F2: variants seen among roughly 807,000 people sequenced by gnomAD.
The protein encoded by F2 is prothrombin.
F2 carries 34 observed loss-of-function variants against 81.9 expected under a neutral mutation model. The observed-to-expected ratio is 0.42, with a 90% CI of 0.32 to 0.55. The LOEUF is 0.55. F2 is among the 20% of genes least tolerant of loss of function. The probability of loss-of-function intolerance (pLI) is 0.18; values close to 1 mark genes in which losing one functional copy is unlikely to be tolerated. For missense variants in F2, 630 were observed against 833.4 expected (o/e 0.76, Z 3.00); for synonymous variants, 296 against 326.4 (o/e 0.91, Z 1.01).
intron 12 of F2, among the ~76,000 whole-genome samples, chr11:46,734,480 A>G (rs2064932527): frequency 6.6e-6 from 1 of 152,090 alleles, no homozygotes; most frequent in African/African-American, 2.4e-5. Flanking sequence ...AAATTTATCA[A>G]TCATTTATTT....
chr11:46,720,699 T>G (rs3136434), intron 3 of F2, 91 bp from the exon 4 acceptor site: 2 of 1,539,806 alleles, frequency 1.3e-6, no homozygotes. Context: ...TCATCCATCT[T>G]TCTGTTTCTC....
chr11:46,720,493 G>A lies in F2; in HGVS notation c.241-30G>A, dbSNP rs367692335. On this transcript the variant is annotated intron_variant, in intron 2 of 13. Transcript: ENST00000311907. ...AAAACAACACAAAACAGGAGCTGCCGTAGCCTCACTCCCAGCCCTTGTTTT... is the reference window on the plus strand; with the variant it reads ...AAAACAACACAAAACAGGAGCTGCCATAGCCTCACTCCCAGCCCTTGTTTT... 4.8e-5 allele frequency: 78 copies of A among 1,613,708 alleles called. 1 individual carries two copies. Among genetic ancestry groups the A allele is most frequent in the Admixed American group, 4.2e-4 (25 of 59,992 alleles).
rs1432797438 is a variant in F2, at chr11:46,728,983, G to A, written c.1472+146G>A. The A allele has an allele frequency of 1.9e-5, 13 of 694,864 alleles. No individual in the cohort carries two copies. Among genetic ancestry groups the A allele is most frequent in the Admixed American group, 1.2e-4 (4 of 34,710 alleles). 43.0% of individuals were successfully genotyped at this position (694,864 alleles called of 1,614,324 possible). On this transcript the variant is annotated intron_variant, in intron 11 of 13. Coordinates refer to ENST00000311907, the MANE Select transcript of F2 (RefSeq NM_000506.5). The surrounding 1 kb of genome is among the most constrained non-coding windows in gnomAD (Gnocchi z 5.1). ...CCCAAAAGTTCTTTTCAGTACTGGCGTTTTATTTTTTATTTATATTTATTT... is the reference window on the plus strand; with the variant it reads ...CCCAAAAGTTCTTTTCAGTACTGGCATTTTATTTTTTATTTATATTTATTT...
chr11:46,731,006 T>TC (rs970038826), intron 12 of F2, among the ~76,000 whole-genome samples: 7 of 152,102 alleles, frequency 4.6e-5, no homozygotes, highest in Admixed American at 1.3e-4. Context: ...AACCTCCTGC[T>TC]CCCAGGTTCA....
chr11:46,734,707 A>C (rs1349062751), intron 12 of F2, among the ~76,000 whole-genome samples: 2 of 152,106 alleles, frequency 1.3e-5, no homozygotes, highest in African/African-American at 2.4e-5. Flanking sequence ...GCTACTCAGG[A>C]GACTGAGGCT....
At chr11:46,732,707 T>C (rs907634732) in intron 12 of F2, among the ~76,000 whole-genome samples, 1 of 152,194 alleles carries the variant, frequency 6.6e-6, no homozygotes, top group African/African-American at 2.4e-5. Flanking sequence ...GGCCATACTT[T>C]GTTACTACTG....
rs2134522947 is a variant in F2, at chr11:46,719,447, G to A, written c.79+133G>A. On this transcript the variant is annotated intron_variant, in intron 1 of 13. Coordinates refer to ENST00000311907, the MANE Select transcript of F2 (RefSeq NM_000506.5). The surrounding 1 kb of genome is among the most constrained non-coding windows in gnomAD (Gnocchi z 4.7). ...CTCAGCCCCAGGCGGCCAGCTTAGG[G>A]AAGAAGTCAGGAGCTCAGGGCTGGA... is the stretch of plus-strand genomic sequence containing the variant. 2 of 1,112,928 alleles carry A rather than the reference G, an allele frequency of 1.8e-6. No individual in the cohort carries two copies. The highest frequency in any genetic ancestry group is 2.6e-6 in the Non-Finnish European group (2 of 756,830). 68.9% of individuals were successfully genotyped at this position (1,112,928 alleles called of 1,614,324 possible).
Position 46,728,170 on chromosome 11 carries a change from A to T in F2, c.1298+7A>T. ...GCAAGCACTCCCGCACCAGGTACAG[A>T]ACTGGTGGCCCGTGGGTGTCTGGCA... On this transcript the variant is annotated splice_region_variant and intron_variant, in intron 10 of 13. Transcript: ENST00000311907. The surrounding 1 kb of genome is among the most constrained non-coding windows in gnomAD (Gnocchi z 5.1). 6.2e-7 allele frequency: 1 copy of T among 1,605,442 alleles called. No homozygotes were observed. Among genetic ancestry groups the T allele is most frequent in the South Asian group, 1.1e-5 (1 of 88,762 alleles).
chr11:46,732,153 A>G (rs1446662924), intron 12 of F2, among the ~76,000 whole-genome samples: 1 of 151,620 alleles, frequency 6.6e-6, no homozygotes, highest in Non-Finnish European at 1.5e-5. Context: ...TGACCTTGTG[A>G]TCCGTCTGCC....
At chr11:46,730,804 A>ATATATATATATATATATATATATATAT (rs1174199922) in intron 12 of F2, among the ~76,000 whole-genome samples, 3 of 150,566 alleles carry the variant, frequency 2.0e-5, no homozygotes, top group South Asian at 2.1e-4. Flanking sequence ...ATATATGCAT[A>ATATATATATATATATATATATATATAT]GTTTGAGAGC....
chr11:46,723,548 G>T lies in F2; in HGVS notation c.559+30G>T. 1 of 1,589,634 alleles carries T rather than the reference G, an allele frequency of 6.3e-7. No individual in the cohort carries two copies. Among genetic ancestry groups the T allele is most frequent in the Non-Finnish European group, 8.6e-7 (1 of 1,166,892 alleles). ...GCTGGGGGCAGTGGGGCGGCCCATG[G>T]CCAAGGCCCGGGGGCTTCATGGGGC... On this transcript the variant is annotated intron_variant, in intron 6 of 13. Transcript: ENST00000311907. This position sits in a 1 kb window ranked among gnomAD's most constrained non-coding sequence, Gnocchi z 5.6.
At chr11:46,729,614 C>A in intron 12 of F2, 53 bp downstream of exon 12, 2 of 1,588,230 alleles carry the variant, frequency 1.3e-6, no homozygotes, top group South Asian at 1.1e-5. Context: ...GCTGGGAGAA[C>A]TGAGTTGTGC....
chr11:46,727,144 C>T (rs2064879857), intron 9 of F2, among the ~76,000 whole-genome samples: 1 of 152,214 alleles, frequency 6.6e-6, no homozygotes, highest in African/African-American at 2.4e-5. Context: ...GCCTCAGCCT[C>T]CTGAGTAGCT....
chr11:46,726,655 G>A lies in F2; in HGVS notation c.1003+29G>A, dbSNP rs754833045. On this transcript the variant is annotated intron_variant, in intron 8 of 13. Coordinates refer to ENST00000311907, the MANE Select transcript of F2 (RefSeq NM_000506.5). The surrounding 1 kb of genome is among the most constrained non-coding windows in gnomAD (Gnocchi z 5.9). The stretch of plus-strand genomic sequence containing the variant: ...AGGTAGTGGGCATCCGAGGGGATGC[G>A]GGGCTGCGGGGCTGGTGGCCAGGAC... 1.7e-5 allele frequency: 27 copies of A among 1,613,520 alleles called. No homozygotes were observed. The East Asian group carries it at 2.7e-4, about 16-fold the overall frequency.
chr11:46,719,685 C>G lies in F2; in HGVS notation c.80-17C>G, dbSNP rs772667220. 11 of 1,579,798 alleles carry G rather than the reference C, an allele frequency of 7.0e-6. No individual in the cohort carries two copies. The highest frequency in any genetic ancestry group is 9.5e-6 in the Non-Finnish European group (11 of 1,163,804). Reference sequence around the variant, plus strand: ...TTCCTGAGGCCGCTGTCCCATGACCCCCCCACCGCCTTACAGTGTTCCTGG... The same window carrying G: ...TTCCTGAGGCCGCTGTCCCATGACCGCCCCACCGCCTTACAGTGTTCCTGG... On this transcript the variant is annotated splice_polypyrimidine_tract_variant and intron_variant, in intron 1 of 13. Transcript: ENST00000311907. The surrounding 1 kb of genome is among the most constrained non-coding windows in gnomAD (Gnocchi z 4.7).
rs1446711425 is a variant in F2 at position 46,728,775 on chromosome 11, G to A, written c.1410G>A (p.Lys470=). Residue 470 remains lysine (K), a synonymous_variant, in exon 11 of 14, where the codon AAG becomes AAA. Coordinates refer to ENST00000311907, the MANE Select transcript of F2 (RefSeq NM_000506.5). The surrounding 1 kb of genome is among the most constrained non-coding windows in gnomAD (Gnocchi z 5.1). ...DRDIALMKLK[K]PVAFSDYIHP... is the part of the protein sequence containing the mutation. ...ACATTGCCCTGATGAAGCTGAAGAA[G>A]CCTGTTGCCTTCAGTGACTACATTC... 6.2e-6 allele frequency: 10 copies of A among 1,614,222 alleles called. No homozygotes were observed. The highest frequency in any genetic ancestry group is 2.2e-5 in the East Asian group (1 of 44,882).
At chr11:46,738,335 A>T (rs2064957132) in intron 12 of F2, among the ~76,000 whole-genome samples, 1 of 152,004 alleles carries the variant, frequency 6.6e-6, no homozygotes. Flanking sequence ...TACTGTTGTT[A>T]GTGTTGTTCT....
At chr11:46,729,048 G>A (rs559043298) in intron 11 of F2, among the ~76,000 whole-genome samples, 1 of 152,206 alleles carries the variant, frequency 6.6e-6, no homozygotes, top group South Asian at 2.1e-4. Context: ...CCAGGCTGGA[G>A]TGTAGTTGTG....
intron 12 of F2, among the ~76,000 whole-genome samples, chr11:46,735,411 A>C (rs1156566548): frequency 6.6e-6 from 1 of 152,048 alleles, no homozygotes; most frequent in Non-Finnish European, 1.5e-5. Context: ...ATTGAACTCC[A>C]GCCTGGCGAC....
Sources: allele counts gnomAD v4.1 joint callset (sites outside exome capture counted in the v4.1 genomes callset), GRCh38; gene constraint gnomAD v4.1.1; non-coding constraint Gnocchi (gnomAD v3.1); transcripts MANE v1.5; gene names NCBI Gene and HGNC (gene_info 2026-07-23, HGNC 2026-07-21).